The following SUGCT variants were observed in gnomAD, a reference collection of about 807,000 sequenced individuals.
SUGCT encodes the protein succinyl-CoA:glutarate-CoA transferase, also known as succinyl-CoA:glutarate CoA-transferase.
In SUGCT, 41 loss-of-function variants were observed where a neutral mutation model predicts 55.0. The ratio of observed to expected loss-of-function variants is 0.74; its 90% CI spans 0.58 to 0.97. The LOEUF (loss-of-function observed/expected upper bound fraction) is 0.97, where lower values mean the gene tolerates loss of function less well. Among genes scored for constraint, SUGCT ranks in the 50% least tolerant of loss-of-function variants. The probability of loss-of-function intolerance (pLI) is 0.00; values close to 1 mark genes in which losing one functional copy is unlikely to be tolerated. For synonymous variants in SUGCT, 187 were observed against 200.4 expected (o/e 0.93, Z 0.56); for missense variants, 568 against 547.8 (o/e 1.04, Z -0.37).
intron 12 of SUGCT, among the ~76,000 whole-genome samples, chr7:40,607,294 G>C (rs1798576327): frequency 6.6e-6 from 1 of 152,004 alleles, no homozygotes; most frequent in African/African-American, 2.4e-5. Flanking sequence ...TGTAGAGACA[G>C]GGTCTCACTA....
chr7:40,511,193 G>A (rs567708101), intron 12 of SUGCT, among the ~76,000 whole-genome samples: 58 of 152,094 alleles, frequency 3.8e-4, no homozygotes, highest in Admixed American at 2.6e-3. Flanking sequence ...TCCCGAGAGC[G>A]AACTTCCATA....
intron 8 of SUGCT, among the ~76,000 whole-genome samples, chr7:40,314,773 AGGCT>A (rs35670960): frequency 0.56 from 84,441 of 150,896 alleles, 24,920 homozygotes; most frequent in Non-Finnish European, 0.67. Flanking sequence ...CATGTTGGTC[AGGCT>A]GGTCTCGAAC....
At chr7:40,241,971 C>T (rs1046301318) in intron 7 of SUGCT, among the ~76,000 whole-genome samples, 3 of 149,590 alleles carry the variant, frequency 2.0e-5, no homozygotes, top group Non-Finnish European at 3.0e-5. Context: ...AAACTAATTA[C>T]TGTTGACCTT....
At chr7:40,756,238 T>C (rs1788246494) in intron 13 of SUGCT, among the ~76,000 whole-genome samples, 1 of 152,218 alleles carries the variant, frequency 6.6e-6, no homozygotes, top group Non-Finnish European at 1.5e-5. Context: ...CAGCACCCTG[T>C]ATGCCAACTA....
chr7:40,363,924 C>T (rs1227541122), intron 9 of SUGCT, among the ~76,000 whole-genome samples: 1 of 152,132 alleles, frequency 6.6e-6, no homozygotes, highest in Non-Finnish European at 1.5e-5. Flanking sequence ...GTTAAAGTCT[C>T]CCGTTATTAT....
intron 11 of SUGCT, among the ~76,000 whole-genome samples, chr7:40,464,789 A>G (rs953014282): frequency 1.1e-4 from 16 of 152,212 alleles, no homozygotes; most frequent in African/African-American, 3.9e-4. Flanking sequence ...ATATGCAGCA[A>G]AATACTCTGT....
At chr7:40,695,219 T>A (rs188104520) in intron 12 of SUGCT, among the ~76,000 whole-genome samples, 69 of 115,910 alleles carry the variant, frequency 6.0e-4, no homozygotes, top group Admixed American at 1.1e-3. Flanking sequence ...TTATTTATTT[T>A]GAGACAGGGT....
intron 13 of SUGCT, among the ~76,000 whole-genome samples, chr7:40,757,454 A>G (rs1363094044): frequency 6.6e-6 from 1 of 152,186 alleles, no homozygotes; most frequent in Admixed American, 6.5e-5. Flanking sequence ...TATCCTCATC[A>G]ACGTAGACCC....
chr7:40,897,441 A>G, the SUGCT span, among the ~76,000 whole-genome samples: 1 of 151,670 alleles, frequency 6.6e-6, no homozygotes, highest in African/African-American at 2.4e-5. Context: ...ACACACACAC[A>G]CACACACACA....
chr7:40,851,333 GT>G (rs1793841470), intron 13 of SUGCT, among the ~76,000 whole-genome samples: 1 of 152,096 alleles, frequency 6.6e-6, no homozygotes, highest in African/African-American at 2.4e-5. Flanking sequence ...AAAAAAAAAT[GT>G]TTAATGTTGT....
At chr7:40,708,956 G>A (rs1489914968) in intron 12 of SUGCT, among the ~76,000 whole-genome samples, 1 of 152,150 alleles carries the variant, frequency 6.6e-6, no homozygotes, top group Non-Finnish European at 1.5e-5. Flanking sequence ...TTACCATAGA[G>A]GTCCCAGTGC....
intron 12 of SUGCT, among the ~76,000 whole-genome samples, chr7:40,504,109 T>C (rs936520334): frequency 2.0e-5 from 3 of 152,226 alleles, no homozygotes; most frequent in African/African-American, 7.2e-5. Context: ...CTTTCAAATA[T>C]AAAACTTTTC....
intron 12 of SUGCT, among the ~76,000 whole-genome samples, chr7:40,576,480 G>A (rs1245317585): frequency 6.6e-6 from 1 of 152,170 alleles, no homozygotes; most frequent in East Asian, 1.9e-4. Context: ...TTGAGAGCAG[G>A]GAACATGTGA....
chr7:40,746,782 A>G (rs1050214574), intron 12 of SUGCT, among the ~76,000 whole-genome samples: 1 of 152,216 alleles, frequency 6.6e-6, no homozygotes, highest in East Asian at 1.9e-4. Flanking sequence ...CGTTTGCTAC[A>G]TGATTAAAAT....
At chr7:40,288,377 A>T (rs916111481) in intron 8 of SUGCT, among the ~76,000 whole-genome samples, 1 of 152,106 alleles carries the variant, frequency 6.6e-6, no homozygotes, top group African/African-American at 2.4e-5. Context: ...CCAGGCTGCT[A>T]GTATTTAGTT....
intron 7 of SUGCT, among the ~76,000 whole-genome samples, chr7:40,240,947 C>G (rs1484262992): frequency 2.0e-5 from 3 of 152,076 alleles, no homozygotes; most frequent in Non-Finnish European, 4.4e-5. Flanking sequence ...CATCTAGATG[C>G]TGGAGAGTCT....
chr7:40,902,880 C>A, the SUGCT span, among the ~76,000 whole-genome samples: 2 of 152,010 alleles, frequency 1.3e-5, no homozygotes, highest in African/African-American at 4.8e-5. Flanking sequence ...GCTGAAAAAA[C>A]CAAAATTGTT....
At chr7:40,597,969 G>T (rs761026613) in intron 12 of SUGCT, among the ~76,000 whole-genome samples, 3 of 151,960 alleles carry the variant, frequency 2.0e-5, no homozygotes, top group Non-Finnish European at 4.4e-5. Context: ...AAAAAATCCA[G>T]TGTATTATTT....
chr7:40,255,561 T>C (rs1308026999), intron 7 of SUGCT, among the ~76,000 whole-genome samples: 2 of 143,352 alleles, frequency 1.4e-5, no homozygotes, highest in Admixed American at 7.5e-5. Flanking sequence ...TTCAGGAGGC[T>C]GAGACGGTAG....
Sources: allele counts gnomAD v4.1 joint callset (sites outside exome capture counted in the v4.1 genomes callset), GRCh38; gene constraint gnomAD v4.1.1; transcripts MANE v1.5; gene names NCBI Gene and HGNC (gene_info 2026-07-23, HGNC 2026-07-21).